The following CAB39L variants were observed in gnomAD, a reference collection of about 807,000 sequenced individuals.
CAB39L encodes the protein calcium binding protein 39 like.
CAB39L carries 23 observed loss-of-function variants against 39.1 expected under a neutral mutation model. The ratio of observed to expected loss-of-function variants is 0.59; its 90% confidence interval spans 0.42 to 0.83. The LOEUF (loss-of-function observed/expected upper bound fraction) is 0.83, where lower values mean the gene tolerates loss of function less well. CAB39L is among the 40% of genes least tolerant of loss of function. CAB39L has a pLI of 0.00. For synonymous variants in CAB39L, 126 were observed against 137.2 expected, an observed-to-expected ratio of 0.92 and a Z score of 0.57; for missense variants, 366 against 391.9, an observed-to-expected ratio of 0.93 and a Z score of 0.56.
At chr13:49,400,395 T>C (rs966939901) in intron 3 of CAB39L, among the ~76,000 whole-genome samples, 7 of 152,014 alleles carry the variant, frequency 4.6e-5, no homozygotes, top group Admixed American at 2.6e-4. Context: ...TGTGAATAGA[T>C]ATTTTTAAGA....
At chr13:49,316,034 C>T (rs543326271) in intron 10 of CAB39L, among the ~76,000 whole-genome samples, 10 of 151,742 alleles carry the variant, frequency 6.6e-5, no homozygotes, top group African/African-American at 1.7e-4. Context: ...ATAAACAAAA[C>T]GGAGAACAGG....
chr13:49,376,999 G>A lies in CAB39L; in HGVS notation c.244C>T (p.Leu82=). 1 of 1,612,572 alleles carries A rather than the reference G, an allele frequency of 6.2e-7. No homozygotes were observed. The highest frequency in any genetic ancestry group is 8.5e-7 in the Non-Finnish European group (1 of 1,178,980). The change falls in exon 5 of 11, where the codon CTG becomes TTG. Residue 82 remains leucine (L), a synonymous_variant. Coordinates refer to ENST00000409308, the MANE Select transcript of CAB39L (RefSeq NM_001079670.3). ...TCTATCAGCTGCAGGTCAGCTATCA[G>A]TGTCACTAGCAGGCCACTGCTGTAG... ...ELYSSGLLVT[L]IADLQLIDFE...
intron 3 of CAB39L, among the ~76,000 whole-genome samples, chr13:49,383,488 C>T (rs941741711): frequency 4.6e-5 from 7 of 152,082 alleles, no homozygotes; most frequent in African/African-American, 1.7e-4. Context: ...TCTCTGAATG[C>T]ATAATAATCA....
At chr13:49,315,943 T>C (rs1172370560) in intron 10 of CAB39L, among the ~76,000 whole-genome samples, 3 of 151,150 alleles carry the variant, frequency 2.0e-5, no homozygotes, top group Non-Finnish European at 4.4e-5. Flanking sequence ...AACCTAGTTT[T>C]ATAGCTTAAG....
intron 8 of CAB39L, among the ~76,000 whole-genome samples, chr13:49,343,089 C>T (rs117976208): frequency 2.6e-5 from 4 of 152,270 alleles, no homozygotes; most frequent in Non-Finnish European, 5.9e-5. Context: ...GCATCTGAAC[C>T]AACACTAGAA....
chr13:49,389,190 C>T (rs1956435127), intron 3 of CAB39L, among the ~76,000 whole-genome samples: 1 of 152,168 alleles, frequency 6.6e-6, no homozygotes, highest in African/African-American at 2.4e-5. Context: ...ATGGAACTAC[C>T]ACATGATCCA....
Position 49,366,626 on chromosome 13 carries a change from TA to T in CAB39L, c.277-6795del, listed in dbSNP as rs770961088. ...TGGGCAACAAGAGCGAAACTCTGTC[TA>T]AAAAAAAAAAAAAAAAAAAAAACCC... On this transcript the variant is annotated intron_variant, in intron 5 of 10. Transcript: ENST00000409308. 4.9e-3 allele frequency among the ~76,000 whole-genome samples: 305 copies of T among 62,302 alleles called. 2 individuals carry two copies. The highest frequency in any genetic ancestry group is 0.017 in the African/African-American group (241 of 14,246). 40.9% of individuals were successfully genotyped at this position (62,302 alleles called of 152,430 possible).
chr13:49,352,139 A>G (rs1261301964), intron 6 of CAB39L, among the ~76,000 whole-genome samples: 1 of 152,052 alleles, frequency 6.6e-6, no homozygotes, highest in Non-Finnish European at 1.5e-5. Flanking sequence ...CCTAAGTGGA[A>G]TCATGGCTCA....
At chr13:49,331,365 T>C (rs936713331) in intron 10 of CAB39L, among the ~76,000 whole-genome samples, 14 of 150,150 alleles carry the variant, frequency 9.3e-5, no homozygotes, top group African/African-American at 3.2e-4. Flanking sequence ...ACTCAGGAGG[T>C]TGAGGGAGGA....
At chr13:49,402,973 C>G (rs1464235251) in intron 3 of CAB39L, among the ~76,000 whole-genome samples, 1 of 151,802 alleles carries the variant, frequency 6.6e-6, no homozygotes, top group Non-Finnish European at 1.5e-5. Context: ...AGGTTATACT[C>G]CGAGAGTTGT....
At chr13:49,393,735 T>G (rs1956540046) in intron 3 of CAB39L, among the ~76,000 whole-genome samples, 1 of 151,986 alleles carries the variant, frequency 6.6e-6, no homozygotes, top group Non-Finnish European at 1.5e-5. Flanking sequence ...TAAATATTAT[T>G]TAAATGTCAG....
At chr13:49,330,427 C>A (rs1035550265) in intron 10 of CAB39L, among the ~76,000 whole-genome samples, 7 of 152,170 alleles carry the variant, frequency 4.6e-5, no homozygotes, top group African/African-American at 1.7e-4. Flanking sequence ...GATTTTGAGA[C>A]CAGCCTGGGC....
At chr13:49,343,579 A>C (rs1319324191) in intron 8 of CAB39L, among the ~76,000 whole-genome samples, 1 of 150,540 alleles carries the variant, frequency 6.6e-6, no homozygotes, top group Non-Finnish European at 1.5e-5. Context: ...AGAGAGAGAG[A>C]GAAGAAAGAG....
At chr13:49,341,317 G>T (rs1477271612) in intron 8 of CAB39L, among the ~76,000 whole-genome samples, 6 of 151,360 alleles carry the variant, frequency 4.0e-5, no homozygotes, top group African/African-American at 1.5e-4. Context: ...GCTGTGATGT[G>T]ATCTCAGCTC....
chr13:49,439,605 A>G (rs775499561), intron 1 of CAB39L, among the ~76,000 whole-genome samples: 1 of 152,224 alleles, frequency 6.6e-6, no homozygotes, highest in Non-Finnish European at 1.5e-5. Context: ...ATATACACCC[A>G]ATAATGGGAT....
At chr13:49,401,455 C>G (rs778353659) in intron 3 of CAB39L, 11 of 152,226 alleles carry the variant, frequency 7.2e-5, no homozygotes, top group Non-Finnish European at 1.6e-4. Context: ...CCTTGCTTGT[C>G]TCTTAATCTG....
intron 5 of CAB39L, among the ~76,000 whole-genome samples, chr13:49,376,040 T>G (rs1298748364): frequency 6.6e-6 from 1 of 152,218 alleles, no homozygotes; most frequent in Non-Finnish European, 1.5e-5. Flanking sequence ...GTCTAACTTG[T>G]GCAGAGAGCT....
chr13:49,381,289 T>C (rs572757220), intron 4 of CAB39L, among the ~76,000 whole-genome samples: 3 of 152,296 alleles, frequency 2.0e-5, no homozygotes, highest in African/African-American at 7.2e-5. Flanking sequence ...CAATCCTTAA[T>C]GTACTAAAGA....
At chr13:49,403,400 A>G (rs1245300528) in intron 3 of CAB39L, among the ~76,000 whole-genome samples, 1 of 152,122 alleles carries the variant, frequency 6.6e-6, no homozygotes, top group Non-Finnish European at 1.5e-5. Context: ...ATTTTTTAAA[A>G]TCTAGCACAC....
Sources: gnomAD v4.1 joint callset for allele counts (sites outside exome capture counted in the v4.1 genomes callset) on GRCh38, gnomAD v4.1.1 for gene constraint, MANE v1.5 for transcripts, NCBI Gene and HGNC (gene_info 2026-07-23, HGNC 2026-07-21) for gene names.